PDE1A: variants seen among roughly 807,000 people sequenced by gnomAD.
PDE1A encodes the protein phosphodiesterase 1A, also known as dual specificity calcium/calmodulin-dependent 3',5'-cyclic nucleotide phosphodiesterase 1A.
A neutral mutation model predicts 61.7 loss-of-function variants in PDE1A; 35 were observed. The observed-to-expected ratio is 0.57, with a 90% CI of 0.43 to 0.75. The LOEUF (loss-of-function observed/expected upper bound fraction) is 0.75. Among genes scored for constraint, PDE1A ranks in the 30% least tolerant of loss-of-function variants. The probability of loss-of-function intolerance (pLI) is 0.00; values close to 1 mark genes in which losing one functional copy is unlikely to be tolerated. For missense variants in PDE1A, 597 were observed against 630.6 expected (o/e 0.95, Z 0.57); for synonymous variants, 232 against 213.2 (o/e 1.09, Z -0.77).
intron 1 of PDE1A, among the ~76,000 whole-genome samples, chr2:182,382,563 C>CA (rs1285620897): frequency 6.6e-6 from 1 of 152,212 alleles, no homozygotes; most frequent in African/African-American, 2.4e-5. Context: ...CCCAGCCTAG[C>CA]ATGCTTGAAT....
intron 10 of PDE1A, 105 bp downstream of exon 10, chr2:182,201,334 T>G: frequency 7.2e-7 from 1 of 1,395,842 alleles, no homozygotes; most frequent in Non-Finnish European, 9.8e-7. Flanking sequence ...GGTGGCCAGT[T>G]GATAATAGTA....
chr2:182,298,855 T>C (rs890779349), intron 1 of PDE1A, among the ~76,000 whole-genome samples: 3 of 151,934 alleles, frequency 2.0e-5, no homozygotes, highest in Non-Finnish European at 4.4e-5. Flanking sequence ...CGCTGAAATA[T>C]AAGTAATGGA....
chr2:182,701,795 T>C, the PDE1A span, among the ~76,000 whole-genome samples: 6 of 152,226 alleles, frequency 3.9e-5, no homozygotes, highest in Non-Finnish European at 5.9e-5. Flanking sequence ...AGAGAGGAGC[T>C]GTAGTCTCTA....
the PDE1A span, among the ~76,000 whole-genome samples, chr2:182,569,315 T>C: frequency 6.8e-4 from 103 of 151,432 alleles, 2 homozygotes; most frequent in African/African-American, 2.4e-3. Context: ...CATAATTGTT[T>C]GCTGAACATT....
chr2:182,389,442 G>A (rs1701296022), intron 1 of PDE1A, among the ~76,000 whole-genome samples: 1 of 150,208 alleles, frequency 6.7e-6, no homozygotes, highest in Non-Finnish European at 1.5e-5. Flanking sequence ...ATGGACAAAG[G>A]GCATGAATAT....
chr2:182,704,211 G>GAA, the PDE1A span, among the ~76,000 whole-genome samples: 57,352 of 118,800 alleles, frequency 0.48, 15,161 homozygotes, highest in South Asian at 0.63. Context: ...ACTCCGTCTG[G>GAA]AAAAAAAAAA....
intron 8 of PDE1A, among the ~76,000 whole-genome samples, chr2:182,204,556 CT>C (rs1686938853): frequency 6.6e-6 from 1 of 152,162 alleles, no homozygotes; most frequent in African/African-American, 2.4e-5. Flanking sequence ...CCCACTTCCA[CT>C]TAATAAACAG....
At chr2:182,619,239 G>T in the PDE1A span, among the ~76,000 whole-genome samples, 3 of 151,954 alleles carry the variant, frequency 2.0e-5, no homozygotes, top group African/African-American at 7.3e-5. Context: ...ATGCTTACTT[G>T]GTCAAATAGA....
intron 1 of PDE1A, among the ~76,000 whole-genome samples, chr2:182,357,865 A>C (rs922449729): frequency 6.6e-6 from 1 of 152,226 alleles, no homozygotes; most frequent in African/African-American, 2.4e-5. Context: ...CCTCAAAGAA[A>C]TAAATGGACT....
the PDE1A span, among the ~76,000 whole-genome samples, chr2:182,648,551 G>A: frequency 7.4e-5 from 10 of 135,492 alleles, no homozygotes; most frequent in Middle Eastern, 3.8e-3. Context: ...AAATTACCTG[G>A]ATGTAGTGGT....
chr2:182,697,752 T>C, the PDE1A span, among the ~76,000 whole-genome samples: 1 of 152,204 alleles, frequency 6.6e-6, no homozygotes, highest in Non-Finnish European at 1.5e-5. Context: ...AAGTCTAGGC[T>C]TGGAGGGAAT....
chr2:182,694,388 T>A, the PDE1A span, among the ~76,000 whole-genome samples: 1 of 152,244 alleles, frequency 6.6e-6, no homozygotes, highest in Non-Finnish European at 1.5e-5. Flanking sequence ...TGGGCTCAGA[T>A]GGATTCTGTG....
Position 182,223,795 on chromosome 2 carries a change from CTT to C in PDE1A, c.776+67_776+68del, listed in dbSNP as rs1457101644. ...ATCTTTATTATTTTTTAAAAATCCT[CTT>C]AAGTGATATGCAGAAAAATAAATTT... On this transcript the variant is annotated intron_variant, in intron 7 of 13. Coordinates refer to ENST00000351439, the Ensembl canonical transcript of PDE1A. The C allele has an allele frequency of 4.9e-5, 42 of 862,754 alleles. 2 individuals carry two copies. Among genetic ancestry groups the C allele is most frequent in the South Asian group, 4.6e-4 (27 of 58,468 alleles). 53.4% of individuals were successfully genotyped at this position (862,754 alleles called of 1,614,324 possible).
intron 7 of PDE1A, among the ~76,000 whole-genome samples, chr2:182,221,043 T>A (rs1688681321): frequency 6.6e-6 from 1 of 151,886 alleles, no homozygotes; most frequent in African/African-American, 2.4e-5. Flanking sequence ...GAAAAAAACA[T>A]GATTCTTCTT....
At chr2:182,618,654 G>A in the PDE1A span, among the ~76,000 whole-genome samples, 1 of 152,130 alleles carries the variant, frequency 6.6e-6, no homozygotes, top group Non-Finnish European at 1.5e-5. Flanking sequence ...TAGGTTTACT[G>A]CTTTAAAAGA....
chr2:182,146,008 C>T (rs1690474113), downstream of PDE1A, among the ~76,000 whole-genome samples: 1 of 152,156 alleles, frequency 6.6e-6, no homozygotes, highest in South Asian at 2.1e-4. Context: ...CCCCAACCCA[C>T]CACCCCCATA....
the PDE1A span, among the ~76,000 whole-genome samples, chr2:182,628,847 A>C: frequency 6.6e-6 from 1 of 152,168 alleles, no homozygotes; most frequent in East Asian, 1.9e-4. Flanking sequence ...TCTCGTAATC[A>C]TCTCCAGTCC....
At position 182,296,341 on chromosome 2, in the gene PDE1A, G is replaced by A. The variant is rs191355565; in HGVS notation, c.54-31927C>T. Among the ~76,000 whole-genome samples the A allele has an allele frequency of 4.3e-3, 648 of 152,240 alleles. 3 individuals carry two copies. The highest frequency in any genetic ancestry group is 0.019 in the South Asian group (91 of 4,826). On this transcript the variant is annotated intron_variant, in intron 1 of 13. Coordinates refer to ENST00000351439, the Ensembl canonical transcript of PDE1A. Reference sequence around the variant, plus strand: ...TATAGGACAGTGGGGATGAAGTCAAGGCACACATTTGCCTACTTATCAACT... The same window carrying A: ...TATAGGACAGTGGGGATGAAGTCAAAGCACACATTTGCCTACTTATCAACT...
intron 2 of PDE1A, among the ~76,000 whole-genome samples, chr2:182,441,944 C>A (rs1055879020): frequency 2.6e-5 from 4 of 152,004 alleles, no homozygotes; most frequent in Non-Finnish European, 5.9e-5. Flanking sequence ...GAATAAAGGT[C>A]CTCCTACTGG....
Sources: gnomAD v4.1 joint callset for allele counts (sites outside exome capture counted in the v4.1 genomes callset) on GRCh38, gnomAD v4.1.1 for gene constraint, MANE v1.5 for transcripts, NCBI Gene and HGNC (gene_info 2026-07-23, HGNC 2026-07-21) for gene names.